Variants in ACTR3B observed in about 807,000 individuals in gnomAD.
ACTR3B encodes the protein actin-related protein 3B.
A neutral mutation model predicts 59.0 loss-of-function variants in ACTR3B; 8 were observed. The ratio of observed to expected loss-of-function variants is 0.14; its 90% CI spans 0.08 to 0.24. The LOEUF (loss-of-function observed/expected upper bound fraction) is 0.24, where lower values mean the gene tolerates loss of function less well. ACTR3B is among the 10% of genes least tolerant of loss of function. The probability of loss-of-function intolerance (pLI) is 1.00; values close to 1 mark genes in which losing one functional copy is unlikely to be tolerated. For missense variants in ACTR3B, 245 were observed against 552.3 expected, an observed-to-expected ratio of 0.44 and a Z score of 5.58; for synonymous variants, 148 against 197.9, an observed-to-expected ratio of 0.75 and a Z score of 2.12.
At chr7:152,823,616 G>T (rs1796354746) in intron 8 of ACTR3B, 101 bp downstream of exon 8, 1 of 1,393,872 alleles carries the variant, frequency 7.2e-7, no homozygotes, top group Non-Finnish European at 9.8e-7. Flanking sequence ...TGTGAGCAGG[G>T]TGGCCGTCAT....
chr7:152,768,214 C>T (rs1354426725), intron 1 of ACTR3B, among the ~76,000 whole-genome samples: 16 of 152,204 alleles, frequency 1.1e-4, no homozygotes, highest in African/African-American at 1.4e-4. Flanking sequence ...CAGAGCCAGA[C>T]GCTGTCTCAA....
At chr7:152,774,034 A>G (rs1014737701) in intron 1 of ACTR3B, among the ~76,000 whole-genome samples, 1 of 152,138 alleles carries the variant, frequency 6.6e-6, no homozygotes, top group Non-Finnish European at 1.5e-5. Context: ...TTATATCTCT[A>G]AAGTCAGGCA....
intron 1 of ACTR3B, among the ~76,000 whole-genome samples, chr7:152,760,406 C>G (rs1407691349): frequency 6.6e-6 from 1 of 152,238 alleles, no homozygotes; most frequent in Non-Finnish European, 1.5e-5. Context: ...CACTGGCCCT[C>G]GTTCTGTCCC....
At chr7:152,769,343 A>G (rs1335172427) in intron 1 of ACTR3B, among the ~76,000 whole-genome samples, 3 of 152,204 alleles carry the variant, frequency 2.0e-5, no homozygotes, top group Non-Finnish European at 4.4e-5. Context: ...TTGATTTAGC[A>G]TATCAAGTAG....
Position 152,855,333 on chromosome 7 carries a change from TC to T in ACTR3B, c.*782del, listed in dbSNP as rs1170069914. On this transcript the variant is annotated 3_prime_UTR_variant, in exon 12 of 12. Transcript: ENST00000256001. ...GTCGGTGAGTGTTGGATGAAATACT[TC>T]CTTGCACCATTGTAATAAAAGCTGT... The T allele has an allele frequency of 2.0e-5, 3 of 152,236 alleles. No individual in the cohort carries two copies. Among genetic ancestry groups the T allele is most frequent in the Non-Finnish European group, 4.4e-5 (3 of 68,046 alleles). The allele number at this position is 152,236 out of a possible 1,614,324, so 9.4% of individuals were successfully genotyped here.
intron 2 of ACTR3B, among the ~76,000 whole-genome samples, chr7:152,786,139 C>T (rs1389259463): frequency 5.6e-4 from 23 of 41,254 alleles, no homozygotes; most frequent in African/African-American, 2.2e-3. Context: ...TAGAAAGAGG[C>T]TAGAGGAGGA....
At position 152,855,191 on chromosome 7, in the gene ACTR3B, T is replaced by C. The variant is rs1461504772; in HGVS notation, c.*638T>C. The C allele has an allele frequency of 6.6e-6, 1 of 152,632 alleles. No individual in the cohort carries two copies. The highest frequency in any genetic ancestry group is 1.5e-5 in the Non-Finnish European group (1 of 68,070). 9.5% of individuals were successfully genotyped at this position (152,632 alleles called of 1,614,324 possible). The stretch of plus-strand genomic sequence containing the variant: ...AGAAAATGATTATACTTTATTGGAG[T>C]GACATGAAGTTTGAACACTAAACAG... On this transcript the variant is annotated 3_prime_UTR_variant, in exon 12 of 12. Transcript: ENST00000256001.
At chr7:152,766,276 C>T (rs947266515) in intron 1 of ACTR3B, among the ~76,000 whole-genome samples, 1 of 152,218 alleles carries the variant, frequency 6.6e-6, no homozygotes, top group Non-Finnish European at 1.5e-5. Context: ...CAGCATCAGG[C>T]TGTGACAACA....
chr7:152,831,470 G>A (rs989907349), intron 9 of ACTR3B, among the ~76,000 whole-genome samples: 47 of 152,330 alleles, frequency 3.1e-4, no homozygotes, highest in Middle Eastern at 3.4e-3. Flanking sequence ...GGCAGTGTCT[G>A]TCTCTGTGCT....
intron 9 of ACTR3B, among the ~76,000 whole-genome samples, chr7:152,826,470 T>C (rs1216042876): frequency 6.6e-6 from 1 of 152,140 alleles, no homozygotes; most frequent in East Asian, 1.9e-4. Context: ...TGTAAACAAA[T>C]TACAGTTCAG....
At chr7:152,791,745 T>C (rs779583192) in intron 2 of ACTR3B, among the ~76,000 whole-genome samples, 2 of 152,224 alleles carry the variant, frequency 1.3e-5, no homozygotes, top group Non-Finnish European at 2.9e-5. Context: ...CTTACTCCTC[T>C]CCCTCTACTG....
intron 1 of ACTR3B, among the ~76,000 whole-genome samples, chr7:152,765,659 T>G (rs185107417): frequency 1.2e-3 from 180 of 152,308 alleles, no homozygotes; most frequent in Non-Finnish European, 1.6e-3. Context: ...GTCCCCATTT[T>G]TGTCCCTACC....
chr7:152,821,747 C>G (rs1796181677), intron 7 of ACTR3B, among the ~76,000 whole-genome samples: 1 of 152,248 alleles, frequency 6.6e-6, no homozygotes, highest in African/African-American at 2.4e-5. Context: ...GTCAGCTGCC[C>G]TGGCCCTGCT....
At chr7:152,776,662 T>A (rs1438590165) in intron 1 of ACTR3B, among the ~76,000 whole-genome samples, 2 of 152,238 alleles carry the variant, frequency 1.3e-5, no homozygotes, top group African/African-American at 4.8e-5. Flanking sequence ...TTAGGAAATA[T>A]TATCCAAAAA....
At chr7:152,793,088 AT>A (rs1447916684) in intron 2 of ACTR3B, among the ~76,000 whole-genome samples, 1 of 87,350 alleles carries the variant, frequency 1.1e-5, no homozygotes, top group Non-Finnish European at 2.4e-5. Flanking sequence ...TTTGGAATGG[AT>A]TTTTTTTGTT....
chr7:152,805,042 A>C (rs888371676), intron 4 of ACTR3B, among the ~76,000 whole-genome samples: 1 of 151,906 alleles, frequency 6.6e-6, no homozygotes, highest in Non-Finnish European at 1.5e-5. Flanking sequence ...ATTTGGCCTC[A>C]TTGTTCTGGC....
rs761348878 is a variant in ACTR3B at position 152,759,862 on chromosome 7, C to A, written c.-21C>A. 1.5e-6 allele frequency: 2 copies of A among 1,295,290 alleles called. No homozygotes were observed. The highest frequency in any genetic ancestry group is 2.0e-6 in the Non-Finnish European group (2 of 1,014,426). The allele number at this position is 1,295,290 out of a possible 1,614,324, so 80.2% of individuals were successfully genotyped here. ...GGCGCTCTCGGGCTGCCGGCGGGGC[C>A]GAGCGCCGCGCGTCCCGAGCATGGC... On this transcript the variant is annotated 5_prime_UTR_variant, in exon 1 of 12. Coordinates refer to ENST00000256001, the MANE Select transcript of ACTR3B (RefSeq NM_020445.6).
intron 2 of ACTR3B, among the ~76,000 whole-genome samples, chr7:152,793,638 A>T (rs528622539): frequency 7.2e-6 from 1 of 138,180 alleles, no homozygotes; most frequent in Admixed American, 7.5e-5. Flanking sequence ...TGGCTCCTAA[A>T]ATCCTTGTTT....
At chr7:152,828,764 AT>A (rs1796785188) in intron 9 of ACTR3B, among the ~76,000 whole-genome samples, 1 of 151,814 alleles carries the variant, frequency 6.6e-6, no homozygotes, top group African/African-American at 2.4e-5. Flanking sequence ...GATGGTGCCG[AT>A]TCCTGACCTC....
Sources: allele counts gnomAD v4.1 joint callset (sites outside exome capture counted in the v4.1 genomes callset), GRCh38; gene constraint gnomAD v4.1.1; transcripts MANE v1.5; gene names NCBI Gene and HGNC (gene_info 2026-07-23, HGNC 2026-07-21).